The following PAM variants were observed in gnomAD, a reference collection of about 807,000 sequenced individuals.
PAM encodes the protein peptidyl-glycine alpha-amidating monooxygenase.
Under a neutral mutation model 122.1 loss-of-function variants are expected in PAM, and 72 were observed. The ratio of observed to expected loss-of-function variants is 0.59; its 90% CI spans 0.49 to 0.72. The LOEUF is 0.72. Among genes scored for constraint, PAM ranks in the 30% least tolerant of loss-of-function variants. The probability of loss-of-function intolerance (pLI) is 0.00; values close to 1 mark genes in which losing one functional copy is unlikely to be tolerated. For missense variants in PAM, 1,106 were observed against 1,183.7 expected (o/e 0.93, Z 0.96); for synonymous variants, 389 against 404.4 (o/e 0.96, Z 0.46).
chr5:102,902,611 A>C (rs770215150), intron 4 of PAM, among the ~76,000 whole-genome samples: 1 of 151,624 alleles, frequency 6.6e-6, no homozygotes, highest in Non-Finnish European at 1.5e-5. Flanking sequence ...TATTTAGAAC[A>C]TACATTCATA....
At chr5:102,795,015 C>A (rs1479387045) in intron 1 of PAM, among the ~76,000 whole-genome samples, 1 of 151,426 alleles carries the variant, frequency 6.6e-6, no homozygotes, top group Non-Finnish European at 1.5e-5. Context: ...CATAGGGAAA[C>A]CCCATCTCTA....
intron 3 of PAM, among the ~76,000 whole-genome samples, chr5:102,869,228 G>A (rs951178892): frequency 6.6e-6 from 1 of 152,208 alleles, no homozygotes; most frequent in African/African-American, 2.4e-5. Flanking sequence ...AAAAGAAAGT[G>A]TGTGATTTAG....
downstream of PAM, chr5:103,030,332 C>T (rs538080393): frequency 6.6e-6 from 1 of 152,320 alleles, no homozygotes; most frequent in East Asian, 1.9e-4. Context: ...AGTTTTAAAA[C>T]GTCTTTTTCG....
intron 3 of PAM, among the ~76,000 whole-genome samples, chr5:102,887,022 G>T (rs1264448813): frequency 6.6e-6 from 1 of 152,022 alleles, no homozygotes; most frequent in Admixed American, 6.6e-5. Flanking sequence ...TATATTCTCA[G>T]TGCCTTGCAG....
intron 16 of PAM, among the ~76,000 whole-genome samples, chr5:103,002,296 G>T (rs926952451): frequency 7.2e-5 from 11 of 151,940 alleles, no homozygotes; most frequent in Admixed American, 2.6e-4. Flanking sequence ...ATATATATAT[G>T]AATATATGTC....
intron 5 of PAM, among the ~76,000 whole-genome samples, chr5:102,914,997 C>G (rs930219165): frequency 6.6e-6 from 1 of 152,058 alleles, no homozygotes; most frequent in African/African-American, 2.4e-5. Context: ...TTTTCTACCC[C>G]CATAAGTTTA....
intron 15 of PAM, among the ~76,000 whole-genome samples, chr5:102,977,964 G>A (rs1304444925): frequency 1.3e-5 from 2 of 152,084 alleles, no homozygotes; most frequent in South Asian, 2.1e-4. Context: ...TATTATACAT[G>A]CAAAGTGCTT....
chr5:102,918,384 A>C (rs1432711623), intron 5 of PAM, among the ~76,000 whole-genome samples: 1 of 152,156 alleles, frequency 6.6e-6, no homozygotes, highest in Admixed American at 6.6e-5. Flanking sequence ...TATTAGCTGA[A>C]TATGAGCCTA....
At chr5:103,010,809 T>C (rs1044674582) in intron 21 of PAM, among the ~76,000 whole-genome samples, 4 of 152,278 alleles carry the variant, frequency 2.6e-5, no homozygotes, top group African/African-American at 9.6e-5. Flanking sequence ...ACAGTACATG[T>C]TTATATTTAT....
intron 15 of PAM, among the ~76,000 whole-genome samples, chr5:102,986,863 C>T (rs1196988040): frequency 6.6e-6 from 1 of 152,154 alleles, no homozygotes; most frequent in Non-Finnish European, 1.5e-5. Flanking sequence ...TCTCTCTTGT[C>T]TGCCAGCATA....
intron 13 of PAM, 65 bp downstream of exon 13, chr5:102,960,124 T>G (rs1213117606): frequency 5.8e-6 from 5 of 860,484 alleles, no homozygotes; most frequent in Non-Finnish European, 9.0e-6. Flanking sequence ...GTATGTATCT[T>G]GTTTGATGAT....
At chr5:102,948,572 A>G (rs1757752803) in intron 9 of PAM, 127 bp downstream of exon 9, 1 of 572,714 alleles carries the variant, frequency 1.7e-6, no homozygotes, top group East Asian at 3.0e-5. Context: ...ATGAACCAAT[A>G]CTTTATTGTC....
chr5:102,893,906 T>A (rs1443631068), intron 3 of PAM, among the ~76,000 whole-genome samples: 1 of 151,792 alleles, frequency 6.6e-6, no homozygotes, highest in Non-Finnish European at 1.5e-5. Flanking sequence ...TATTGACTCA[T>A]CCTTTTTCTT....
At chr5:102,929,527 G>A (rs1202834783) in intron 7 of PAM, among the ~76,000 whole-genome samples, 1 of 152,192 alleles carries the variant, frequency 6.6e-6, no homozygotes, top group Non-Finnish European at 1.5e-5. Flanking sequence ...TATATAAATT[G>A]TAAATCTGAA....
At chr5:102,932,518 G>A (rs1751880688) in intron 7 of PAM, among the ~76,000 whole-genome samples, 1 of 147,932 alleles carries the variant, frequency 6.8e-6, no homozygotes, top group Non-Finnish European at 1.5e-5. Context: ...ATATATATAT[G>A]TATATATTAT....
chr5:102,984,226 A>G (rs946330885), intron 15 of PAM, among the ~76,000 whole-genome samples: 2 of 152,088 alleles, frequency 1.3e-5, no homozygotes, highest in African/African-American at 4.8e-5. Context: ...AATGACAAAA[A>G]TAAATCCTCA....
intron 16 of PAM, among the ~76,000 whole-genome samples, chr5:102,993,610 A>T (rs1774821571): frequency 1.3e-5 from 2 of 152,180 alleles, no homozygotes; most frequent in African/African-American, 2.4e-5. Context: ...AACTCAATAC[A>T]AACTAACTTA....
chr5:102,954,539 T>A (rs1760094520), intron 12 of PAM, among the ~76,000 whole-genome samples: 2 of 151,748 alleles, frequency 1.3e-5, no homozygotes, highest in South Asian at 4.1e-4. Context: ...TATTTATTTT[T>A]AAATAGTAAA....
chr5:102,917,917 T>C (rs1010500011), intron 5 of PAM, among the ~76,000 whole-genome samples: 12 of 152,152 alleles, frequency 7.9e-5, no homozygotes, highest in African/African-American at 2.9e-4. Flanking sequence ...AATTTTAAAG[T>C]TTTTTTCCTC....
Sources: gnomAD v4.1 joint callset for allele counts (sites outside exome capture counted in the v4.1 genomes callset) on GRCh38, gnomAD v4.1.1 for gene constraint, MANE v1.5 for transcripts, NCBI Gene and HGNC (gene_info 2026-07-23, HGNC 2026-07-21) for gene names.